Variants in ZNF35 observed in about 807,000 individuals in gnomAD.
ZNF35 encodes zinc finger protein 35, also known as zinc finger protein 35 (clone HF.10).
ZNF35 carries 31 observed loss-of-function variants against 45.9 expected under a neutral mutation model. That is an observed-to-expected ratio of 0.68 (90% CI 0.51 to 0.91). The LOEUF (loss-of-function observed/expected upper bound fraction) is 0.91. Among genes scored for constraint, ZNF35 ranks in the 40% least tolerant of loss-of-function variants. The pLI is 0.00. For synonymous variants in ZNF35, 205 were observed against 220.2 expected (o/e 0.93, Z 0.61); for missense variants, 515 against 625.4 (o/e 0.82, Z 1.88).
chr3:44,654,904 C>T (rs1251541618), intron 3 of ZNF35, among the ~76,000 whole-genome samples: 3 of 152,196 alleles, frequency 2.0e-5, no homozygotes, highest in South Asian at 2.1e-4. Context: ...GAGGCGGAGG[C>T]GGGTGAATCA....
chr3:44,659,197 T>C lies in ZNF35; in HGVS notation c.834T>C (p.Tyr278=), dbSNP rs1559485229. 6.2e-7 allele frequency: 1 copy of C among 1,614,186 alleles called. No homozygotes were observed. The highest frequency in any genetic ancestry group is 8.5e-7 in the Non-Finnish European group (1 of 1,180,022). The part of the protein sequence containing the change: ...HQRIHTGQKP[Y]VCSKCGKAFT... ...GAATCCACACTGGACAGAAACCTTA[T>C]GTTTGCTCAAAATGTGGGAAAGCCT... Residue 278 remains tyrosine (Y), a synonymous_variant, in exon 4 of 4, where the codon TAT becomes TAC. Transcript: ENST00000396056. This position sits in a 1 kb window ranked among gnomAD's most constrained non-coding sequence, Gnocchi z 4.3.
Position 44,653,859 on chromosome 3 carries a change from A to G in ZNF35, c.337+1158A>G, listed in dbSNP as rs145519689. On this transcript the variant is annotated intron_variant, in intron 3 of 3. Coordinates refer to ENST00000396056, the MANE Select transcript of ZNF35 (RefSeq NM_003420.4). The stretch of plus-strand genomic sequence containing the variant: ...ACTTACTGGCTGATTGCCAAGCCCT[A>G]TTCTTTTTATGAGTCTGCCAGATAT... Among the ~76,000 whole-genome samples, 414 of 152,296 alleles carry G rather than the reference A, an allele frequency of 2.7e-3. 1 individual carries two copies. The highest frequency in any genetic ancestry group is 9.5e-3 in the African/African-American group (396 of 41,566).
chr3:44,655,389 GGCTTATGTA>G (rs1198851506), intron 3 of ZNF35, among the ~76,000 whole-genome samples: 4 of 150,500 alleles, frequency 2.7e-5, no homozygotes, highest in African/African-American at 4.9e-5. Flanking sequence ...TAAGGTGGCA[GGCTTATGTA>G]GCATTTCAGC....
intron 2 of ZNF35, among the ~76,000 whole-genome samples, chr3:44,652,182 G>A (rs1703216608): frequency 6.6e-6 from 1 of 152,110 alleles, no homozygotes; most frequent in South Asian, 2.1e-4. Flanking sequence ...TCAAATGAGG[G>A]CAGAGGTTCC....
Position 44,652,634 on chromosome 3 carries a change from C to G in ZNF35, c.270C>G (p.Ser90Arg). Reference protein sequence around the residue: ...QEAPAASTLGSYSLPGTLAKS... With the variant: ...QEAPAASTLGRYSLPGTLAKS... ...CACCTGCTGCTTCAACCCTTGGCAG[C>G]TACTCATTACCAGGGACTCTGGCCA... Residue 90 changes from serine to arginine, a missense_variant, in exon 3 of 4, where the codon AGC (serine) becomes AGG (arginine). Around this residue, in one of 3 missense-constraint regions of ZNF35, gnomAD observed 275 missense variants for 295.7 expected, o/e 0.93. Transcript: ENST00000396056. The G allele has an allele frequency of 1.2e-6, 2 of 1,610,828 alleles. No individual in the cohort carries two copies. Among genetic ancestry groups the G allele is most frequent in the Non-Finnish European group, 1.7e-6 (2 of 1,178,712 alleles).
At chr3:44,651,339 C>T in intron 2 of ZNF35, 80 bp downstream of exon 2, 1 of 1,321,568 alleles carries the variant, frequency 7.6e-7, no homozygotes, top group Non-Finnish European at 1.0e-6. Context: ...TGCCCCTCTG[C>T]TTCCACACCT....
intron 3 of ZNF35, among the ~76,000 whole-genome samples, chr3:44,657,728 C>A (rs1270947441): frequency 6.6e-6 from 1 of 152,178 alleles, no homozygotes; most frequent in Admixed American, 6.5e-5. Context: ...TCCCCTGACA[C>A]AAGGGTAAGA....
chr3:44,654,411 T>C (rs1559484005), intron 3 of ZNF35, among the ~76,000 whole-genome samples: 1 of 152,184 alleles, frequency 6.6e-6, no homozygotes, highest in Non-Finnish European at 1.5e-5. Context: ...TGGACCTCCA[T>C]TTCCTGTTCT....
intron 1 of ZNF35, among the ~76,000 whole-genome samples, chr3:44,649,151 T>G (rs999246249): frequency 1.3e-4 from 20 of 152,200 alleles, no homozygotes; most frequent in Non-Finnish European, 2.5e-4. Flanking sequence ...AAAGGGAGCC[T>G]TTGATAGAGG....
Position 44,659,892 on chromosome 3 carries a change from C to A in ZNF35, c.1529C>A (p.Ala510Asp), listed in dbSNP as rs1349074947. Residue 510 changes from alanine to aspartate, a missense_variant, in exon 4 of 4, where the codon GCT becomes GAT. By Grantham distance (126) the Ala-to-Asp change is moderately radical (BLOSUM62 -2). Transcript: ENST00000396056. The surrounding 1 kb of genome is among the most constrained non-coding windows in gnomAD (Gnocchi z 4.3). ...KPYECEKCGA[A>D]FISNSHLMRH... ...TATGAATGTGAGAAGTGTGGTGCAGCTTTCATTTCCAACTCACACCTCATG... is the reference window on the plus strand; with the variant it reads ...TATGAATGTGAGAAGTGTGGTGCAGATTTCATTTCCAACTCACACCTCATG... The A allele has an allele frequency of 2.5e-6, 4 of 1,597,530 alleles. No individual in the cohort carries two copies.
intron 3 of ZNF35, among the ~76,000 whole-genome samples, chr3:44,655,165 T>C (rs1280566525): frequency 1.3e-5 from 2 of 152,182 alleles, no homozygotes; most frequent in Non-Finnish European, 2.9e-5. Flanking sequence ...TTTTAAACAT[T>C]TAATTCTACC....
At chr3:44,657,617 T>C (rs1703332245) in intron 3 of ZNF35, among the ~76,000 whole-genome samples, 1 of 152,210 alleles carries the variant, frequency 6.6e-6, no homozygotes, top group Non-Finnish European at 1.5e-5. Context: ...GTCATAAAGC[T>C]TCAGGGTGTT....
chr3:44,646,617 G>GA (rs1702974203), upstream of ZNF35: 1 of 781,102 alleles, frequency 1.3e-6, no homozygotes, highest in African/African-American at 1.7e-5. Flanking sequence ...TGATGAAAAA[G>GA]AGAGGGGAGT....
At chr3:44,656,494 G>T (rs1011124589) in intron 3 of ZNF35, among the ~76,000 whole-genome samples, 3 of 149,704 alleles carry the variant, frequency 2.0e-5, no homozygotes, top group African/African-American at 7.4e-5. Flanking sequence ...GGGTTCAATT[G>T]ATTCTTACGC....
intron 3 of ZNF35, among the ~76,000 whole-genome samples, chr3:44,653,341 A>C (rs1414141280): frequency 2.0e-5 from 3 of 152,150 alleles, no homozygotes; most frequent in East Asian, 1.9e-4. Context: ...GCCATACAGG[A>C]TCATTCTCAG....
upstream of ZNF35, chr3:44,646,506 G>A: frequency 1.3e-6 from 2 of 1,557,320 alleles, no homozygotes; most frequent in Middle Eastern, 3.4e-4. Context: ...AGGAAATACA[G>A]GAGGCAGAGG....
chr3:44,659,130 G>A lies in ZNF35; in HGVS notation c.767G>A (p.Gly256Glu), dbSNP rs919210096. 1 of 1,614,152 alleles carries A rather than the reference G, an allele frequency of 6.2e-7. No homozygotes were observed. The highest frequency in any genetic ancestry group is 8.5e-7 in the Non-Finnish European group (1 of 1,180,028). ...GEKPFECHEC[G>E]KAFIQSANLV... ...AAACCCTTTGAATGTCATGAGTGTGGGAAGGCCTTCATTCAGAGTGCAAAC... is the reference window on the plus strand; with the variant it reads ...AAACCCTTTGAATGTCATGAGTGTGAGAAGGCCTTCATTCAGAGTGCAAAC... The change falls in exon 4 of 4, where the codon GGG becomes GAG. Residue 256 changes from glycine to glutamate, a missense_variant. Physicochemically the swap from Gly to Glu is moderately conservative, Grantham distance 98. Transcript: ENST00000396056. This position sits in a 1 kb window ranked among gnomAD's most constrained non-coding sequence, Gnocchi z 4.3.
At chr3:44,649,787 G>T (rs1167480977) in intron 1 of ZNF35, among the ~76,000 whole-genome samples, 1 of 151,902 alleles carries the variant, frequency 6.6e-6, no homozygotes, top group Non-Finnish European at 1.5e-5. Flanking sequence ...CTAAATAAAT[G>T]GTTCATAAAT....
Position 44,659,841 on chromosome 3 carries a change from A to G in ZNF35, c.1478A>G (p.Gln493Arg), listed in dbSNP as rs1206865186. Residue 493 changes from glutamine (Q) to arginine (R), a missense_variant, in exon 4 of 4, where the codon CAG becomes CGG. Gln to Arg is a conservative substitution (Grantham distance 43, BLOSUM62 1). Coordinates refer to ENST00000396056, the MANE Select transcript of ZNF35 (RefSeq NM_003420.4). This position sits in a 1 kb window ranked among gnomAD's most constrained non-coding sequence, Gnocchi z 4.3. The part of the protein sequence containing the change: ...FRQRSSLTVH[Q>R]RTHTGEKPYE... ...CAGAGGTCGAGCCTCACCGTGCACC[A>G]GAGAACCCACACTGGGGAGAAGCCC... 2.5e-6 allele frequency: 4 copies of G among 1,613,870 alleles called. No homozygotes were observed. Among genetic ancestry groups the G allele is most frequent in the African/African-American group, 1.3e-5 (1 of 74,930 alleles).
Sources: allele counts gnomAD v4.1 joint callset (sites outside exome capture counted in the v4.1 genomes callset), GRCh38; gene constraint gnomAD v4.1.1; regional missense constraint gnomAD v4.1.1; non-coding constraint Gnocchi (gnomAD v3.1); transcripts MANE v1.5; gene names NCBI Gene and HGNC (gene_info 2026-07-23, HGNC 2026-07-21).